FAT3: variants seen among roughly 807,000 people sequenced by gnomAD.
FAT3 encodes FAT atypical cadherin 3.
In FAT3, 95 loss-of-function variants were observed where a neutral mutation model predicts 310.2. The observed-to-expected ratio is 0.31, with a 90% CI of 0.26 to 0.36. FAT3 has a LOEUF of 0.36. Among genes scored for constraint, FAT3 ranks in the 10% least tolerant of loss-of-function variants. The pLI is 1.00. For missense variants in FAT3, 5,408 were observed against 5,715.6 expected (o/e 0.95, Z 1.74); for synonymous variants, 2,314 against 2,192.9 (o/e 1.06, Z -1.54).
At position 92,801,323 on chromosome 11, in the gene FAT3, C is replaced by T. The variant is rs1344972500; in HGVS notation, c.8310C>T (p.Arg2770=). 6.2e-7 allele frequency: 1 copy of T among 1,613,964 alleles called. No homozygotes were observed. Among genetic ancestry groups the T allele is most frequent in the Non-Finnish European group, 8.5e-7 (1 of 1,179,882 alleles). Reference sequence around the variant, plus strand: ...CAGGCACTATTAAGCTTGACAAACGCCTTGACCGTGAAACCAGCCCAGCTT... The same window carrying T: ...CAGGCACTATTAAGCTTGACAAACGTCTTGACCGTGAAACCAGCCCAGCTT... The part of the protein sequence containing the change: ...QETGTIKLDK[R]LDRETSPAFH... Residue 2770 remains arginine (R), a synonymous_variant, in exon 10 of 28, where the codon CGC becomes CGT. Coordinates refer to ENST00000525166, the MANE Select transcript of FAT3 (RefSeq NM_001367949.2).
intron 12 of FAT3, among the ~76,000 whole-genome samples, chr11:92,807,421 C>T (rs1947534021): frequency 6.6e-6 from 1 of 152,106 alleles, no homozygotes; most frequent in South Asian, 2.1e-4. Context: ...TACTCTGGAC[C>T]ACAGAAACTT....
intron 1 of FAT3, among the ~76,000 whole-genome samples, chr11:92,318,422 T>C (rs1947524966): frequency 6.6e-6 from 1 of 152,168 alleles, no homozygotes; most frequent in Non-Finnish European, 1.5e-5. Flanking sequence ...TGAAAATAAA[T>C]GATACTCAGA....
In FAT3 at chr11:92,378,701, A is replaced by G. The variant is rs144793717; in HGVS notation, c.3292+23297A>G. The stretch of plus-strand genomic sequence containing the variant: ...GTCTTAGTCCATTGGGATTGCTATA[A>G]CAGAATACCATAAGCTGAGCAGCTT... On this transcript the variant is annotated intron_variant, in intron 2 of 27. Coordinates refer to ENST00000525166, the MANE Select transcript of FAT3 (RefSeq NM_001367949.2). Among the ~76,000 whole-genome samples, 8 of 152,302 alleles carry G rather than the reference A, an allele frequency of 5.3e-5. No homozygotes were observed. In the East Asian group the frequency reaches 1.4e-3, roughly 26 times the overall value.
intron 8 of FAT3, among the ~76,000 whole-genome samples, chr11:92,792,511 C>T (rs1947064458): frequency 6.6e-6 from 1 of 152,138 alleles, no homozygotes; most frequent in Admixed American, 6.6e-5. Context: ...ATCAGTTCTA[C>T]ACACACAGAC....
At chr11:92,404,192 A>G (rs557631373) in intron 2 of FAT3, among the ~76,000 whole-genome samples, 3 of 152,074 alleles carry the variant, frequency 2.0e-5, no homozygotes, top group East Asian at 3.9e-4. Context: ...TGTATATGTC[A>G]GTCCCTACAC....
In FAT3 at chr11:92,801,401, T is replaced by C; in HGVS notation, c.8388T>C (p.Phe2796=). ...TIPLDKVDIV[F]TVDVDIKVLD... ...CCCTGGACAAAGTAGACATTGTGTT[T>C]ACTGTGGATGTAGATATCAAGGTAT... is the stretch of plus-strand genomic sequence containing the variant. The change falls in exon 10 of 28, where the codon TTT becomes TTC. Residue 2796 remains phenylalanine (F), a synonymous_variant. Coordinates refer to ENST00000525166, the MANE Select transcript of FAT3 (RefSeq NM_001367949.2). 6.2e-7 allele frequency: 1 copy of C among 1,613,968 alleles called. No homozygotes were observed.
intron 4 of FAT3, among the ~76,000 whole-genome samples, chr11:92,719,755 TGTGTG>T (rs1944807392): frequency 6.6e-6 from 1 of 151,770 alleles, no homozygotes; most frequent in African/African-American, 2.4e-5. Flanking sequence ...TGTGTGTGTG[TGTGTG>T]TGTGTGTGTG....
chr11:92,714,323 T>C (rs556847809), intron 4 of FAT3, among the ~76,000 whole-genome samples: 2 of 152,230 alleles, frequency 1.3e-5, no homozygotes, highest in South Asian at 2.1e-4. Context: ...CAATGACCCA[T>C]GTAAGATAAT....
chr11:92,492,889 G>A (rs1591363464), intron 2 of FAT3, among the ~76,000 whole-genome samples: 1 of 152,066 alleles, frequency 6.6e-6, no homozygotes, highest in African/African-American at 2.4e-5. Context: ...TCATCAAGAT[G>A]TTCTGTGGGT....
At chr11:92,435,468 ATCCTTCCTTCCTTCCTTCCTTCCTTCCT>A (rs371109407) in intron 2 of FAT3, among the ~76,000 whole-genome samples, 8 of 107,984 alleles carry the variant, frequency 7.4e-5, no homozygotes, top group African/African-American at 2.3e-4. Context: ...TCTTTTATTT[ATCCTTCCTTCCTTCCTTCCTTCCTTCCT>A]TCCTTCCTTC....
chr11:92,634,414 G>C (rs1345909759), intron 3 of FAT3, among the ~76,000 whole-genome samples: 2 of 152,178 alleles, frequency 1.3e-5, no homozygotes, highest in East Asian at 3.9e-4. Flanking sequence ...ATAAGGAACA[G>C]CCAGACAGGA....
In FAT3 at chr11:92,799,154, A is replaced by G; in HGVS notation, c.6141A>G (p.Gln2047=). 2 of 1,613,930 alleles carry G rather than the reference A, an allele frequency of 1.2e-6. No individual in the cohort carries two copies. The highest frequency in any genetic ancestry group is 2.2e-5 in the South Asian group (2 of 91,084). Reference sequence around the variant, plus strand: ...GAGTCCCCTTTGACCGTGAAGAACAAGAGTTATATGAGCTGGTGGTAGAAG... The same window carrying G: ...GAGTCCCCTTTGACCGTGAAGAACAGGAGTTATATGAGCTGGTGGTAGAAG... ...TTGVPFDREE[Q]ELYELVVEAS... is the part of the protein sequence containing the mutation. Residue 2047 remains glutamine, a synonymous_variant, in exon 10 of 28, where the codon CAA becomes CAG. Coordinates refer to ENST00000525166, the MANE Select transcript of FAT3 (RefSeq NM_001367949.2).
intron 3 of FAT3, among the ~76,000 whole-genome samples, chr11:92,622,951 A>C (rs1433370123): frequency 6.6e-6 from 1 of 151,954 alleles, no homozygotes; most frequent in Non-Finnish European, 1.5e-5. Flanking sequence ...TTCCATGACA[A>C]TATATCAGCC....
chr11:92,709,421 G>A (rs1457956617), intron 4 of FAT3, among the ~76,000 whole-genome samples: 3 of 152,082 alleles, frequency 2.0e-5, no homozygotes, highest in Non-Finnish European at 2.9e-5. Flanking sequence ...TTCAAACTCC[G>A]CCTCTCCTTT....
intron 2 of FAT3, among the ~76,000 whole-genome samples, chr11:92,516,334 A>G (rs1419552513): frequency 6.6e-6 from 1 of 152,204 alleles, no homozygotes; most frequent in Non-Finnish European, 1.5e-5. Context: ...CTGGTTCAAC[A>G]TATGCAAATC....
At chr11:92,673,701 A>G (rs983381145) in intron 3 of FAT3, among the ~76,000 whole-genome samples, 8 of 152,138 alleles carry the variant, frequency 5.3e-5, no homozygotes, top group African/African-American at 1.7e-4. Context: ...TAGCTATGAC[A>G]TGATCTCTAT....
intron 3 of FAT3, among the ~76,000 whole-genome samples, chr11:92,549,129 A>C (rs1954716126): frequency 6.6e-6 from 1 of 152,184 alleles, no homozygotes; most frequent in Non-Finnish European, 1.5e-5. Flanking sequence ...AATGCTGAAA[A>C]ATGTCATAAT....
chr11:92,623,522 T>A (rs890156235), intron 3 of FAT3, among the ~76,000 whole-genome samples: 1 of 152,220 alleles, frequency 6.6e-6, no homozygotes, highest in Non-Finnish European at 1.5e-5. Context: ...GAAATATGCA[T>A]GTTGATGTTA....
intron 1 of FAT3, among the ~76,000 whole-genome samples, chr11:92,268,110 A>G (rs1214803708): frequency 1.3e-5 from 2 of 152,030 alleles, no homozygotes; most frequent in African/African-American, 4.8e-5. Flanking sequence ...GAAAACAAAC[A>G]CTGGTCCCAA....
Sources: gnomAD v4.1 joint callset for allele counts (sites outside exome capture counted in the v4.1 genomes callset) on GRCh38, gnomAD v4.1.1 for gene constraint, MANE v1.5 for transcripts, NCBI Gene and HGNC (gene_info 2026-07-23, HGNC 2026-07-21) for gene names.